Variants in KIAA0825 observed in about 807,000 individuals in gnomAD.
KIAA0825 encodes KIAA0825.
A neutral mutation model predicts 147.6 loss-of-function variants in KIAA0825; 119 were observed. That is an observed-to-expected ratio of 0.81 (90% CI 0.69 to 0.94). KIAA0825 has a LOEUF of 0.94. Among genes scored for constraint, KIAA0825 ranks in the 40% least tolerant of loss-of-function variants. The pLI is 0.00. For missense variants in KIAA0825, 1,381 were observed against 1,472.7 expected, an observed-to-expected ratio of 0.94 and a Z score of 1.02; for synonymous variants, 470 against 518.1, an observed-to-expected ratio of 0.91 and a Z score of 1.26.
rs1197464656 is a variant in KIAA0825, at chr5:94,198,084, C to A, written c.3711-43960G>T. 2.0e-5 allele frequency among the ~76,000 whole-genome samples: 3 copies of A among 152,182 alleles called. No homozygotes were observed. The East Asian group carries it at 5.8e-4, about 29-fold the overall frequency. ...GTATGACATTTTAATAATATTGATT[C>A]TTCCTATTAATAAGCATGGAATGTT... On this transcript the variant is annotated intron_variant, in intron 20 of 20. Transcript: ENST00000682413.
At chr5:94,278,209 C>T (rs1448890939) in intron 20 of KIAA0825, among the ~76,000 whole-genome samples, 1 of 152,022 alleles carries the variant, frequency 6.6e-6, no homozygotes, top group African/African-American at 2.4e-5. Flanking sequence ...CAGCAAACCA[C>T]CATGGCACAT....
chr5:94,478,451 T>TCG (rs1554289711), intron 6 of KIAA0825, among the ~76,000 whole-genome samples: 1 of 146,146 alleles, frequency 6.8e-6, no homozygotes, highest in South Asian at 2.2e-4. Flanking sequence ...CACATGTGCA[T>TCG]CACACACACA....
chr5:94,273,217 A>G (rs907905910), intron 20 of KIAA0825, among the ~76,000 whole-genome samples: 5 of 152,210 alleles, frequency 3.3e-5, no homozygotes, highest in Non-Finnish European at 5.9e-5. Context: ...GAGTTAACAG[A>G]TACAGAAGTT....
chr5:94,551,879 T>A (rs538048480), intron 2 of KIAA0825, among the ~76,000 whole-genome samples: 1 of 151,792 alleles, frequency 6.6e-6, no homozygotes, highest in Non-Finnish European at 1.5e-5. Context: ...AAAAAATATA[T>A]ACAAATAAAC....
intron 20 of KIAA0825, among the ~76,000 whole-genome samples, chr5:94,200,088 G>A (rs565246837): frequency 6.6e-6 from 1 of 152,242 alleles, no homozygotes; most frequent in East Asian, 1.9e-4. Context: ...GGCACCCACG[G>A]CCATGTTCCA....
chr5:94,547,634 G>A (rs1246224580), intron 2 of KIAA0825, among the ~76,000 whole-genome samples: 3 of 150,828 alleles, frequency 2.0e-5, no homozygotes, highest in Non-Finnish European at 4.4e-5. Context: ...CTACTCAGGA[G>A]GCTGAGGCAG....
intron 3 of KIAA0825, among the ~76,000 whole-genome samples, chr5:94,528,786 T>TC (rs771178517): frequency 2.8e-5 from 4 of 143,012 alleles, no homozygotes; most frequent in Non-Finnish European, 6.2e-5. Flanking sequence ...GTAAATGTGC[T>TC]CCTTTTTTTT....
At chr5:94,570,773 C>T (rs1779823155) in intron 2 of KIAA0825, 1 of 152,294 alleles carries the variant, frequency 6.6e-6, no homozygotes, top group South Asian at 2.1e-4. Context: ...CTTGACTTCA[C>T]CATCAGCACC....
chr5:94,356,725 C>CTTTTCTTTTTTTTTT (rs1784312043), intron 20 of KIAA0825, among the ~76,000 whole-genome samples: 1 of 116,738 alleles, frequency 8.6e-6, no homozygotes, highest in Admixed American at 8.8e-5. Flanking sequence ...AACTTGATTT[C>CTTTTCTTTTTTTTTT]TTTTTTTTTT....
chr5:94,567,882 C>A, intron 2 of KIAA0825: 1 of 156,038 alleles, frequency 6.4e-6, no homozygotes, highest in South Asian at 2.0e-4. Context: ...CACTCAAGCC[C>A]CATAGTTGTA....
At chr5:94,207,846 T>C (rs901386347) in intron 20 of KIAA0825, among the ~76,000 whole-genome samples, 1 of 152,164 alleles carries the variant, frequency 6.6e-6, no homozygotes, top group African/African-American at 2.4e-5. Context: ...CCTTAGGTTA[T>C]GAAAAGCCAA....
chr5:94,275,370 A>T (rs1279206776), intron 20 of KIAA0825, among the ~76,000 whole-genome samples: 1 of 152,166 alleles, frequency 6.6e-6, no homozygotes, highest in Non-Finnish European at 1.5e-5. Flanking sequence ...GCCCTGATAC[A>T]ATCTCATTAA....
chr5:94,579,068 C>T (rs1367392124), intron 2 of KIAA0825, among the ~76,000 whole-genome samples: 3 of 152,144 alleles, frequency 2.0e-5, no homozygotes, highest in Admixed American at 1.3e-4. Context: ...ACTACAGGAG[C>T]GTGCCACCAC....
chr5:94,531,675 C>A (rs1349380558), intron 3 of KIAA0825, among the ~76,000 whole-genome samples: 1 of 152,124 alleles, frequency 6.6e-6, no homozygotes, highest in Non-Finnish European at 1.5e-5. Context: ...CAGGTTTCTT[C>A]CTATGTGGCC....
chr5:94,424,139 G>A (rs115620547), intron 14 of KIAA0825, among the ~76,000 whole-genome samples: 1 of 151,938 alleles, frequency 6.6e-6, no homozygotes, highest in Non-Finnish European at 1.5e-5. Context: ...TAATACTTCT[G>A]TATAACTGTC....
chr5:94,193,758 C>G (rs1285752339), intron 20 of KIAA0825, among the ~76,000 whole-genome samples: 1 of 152,170 alleles, frequency 6.6e-6, no homozygotes, highest in Non-Finnish European at 1.5e-5. Context: ...GGTTATGAAG[C>G]TAGGAAATGG....
At chr5:94,525,539 C>T (rs1002854772) in intron 3 of KIAA0825, among the ~76,000 whole-genome samples, 4 of 151,946 alleles carry the variant, frequency 2.6e-5, no homozygotes, top group Non-Finnish European at 4.4e-5. Context: ...ACCACTTCTA[C>T]GTCTGACAAG....
intron 5 of KIAA0825, among the ~76,000 whole-genome samples, chr5:94,516,730 C>A (rs1343544881): frequency 6.9e-6 from 1 of 144,852 alleles, no homozygotes. Context: ...GTGGAGCTTG[C>A]AGTGAGCGGA....
At chr5:94,239,463 T>C (rs1323712968) in intron 20 of KIAA0825, among the ~76,000 whole-genome samples, 1 of 152,214 alleles carries the variant, frequency 6.6e-6, no homozygotes, top group East Asian at 1.9e-4. Flanking sequence ...TTTGTTACTG[T>C]TTCTGCACTC....
Sources: gnomAD v4.1 joint callset for allele counts (sites outside exome capture counted in the v4.1 genomes callset) on GRCh38, gnomAD v4.1.1 for gene constraint, MANE v1.5 for transcripts, NCBI Gene and HGNC (gene_info 2026-07-23, HGNC 2026-07-21) for gene names.